NLRC5: variants seen among roughly 807,000 people sequenced by gnomAD.
NLRC5 encodes the protein NLR family CARD domain containing 5.
NLRC5 carries 114 observed loss-of-function variants against 206.9 expected under a neutral mutation model. The observed-to-expected ratio is 0.55, with a 90% confidence interval of 0.47 to 0.64. The LOEUF (loss-of-function observed/expected upper bound fraction) is 0.64. Among genes scored for constraint, NLRC5 ranks in the 30% least tolerant of loss-of-function variants. The pLI is 0.00. For synonymous variants in NLRC5, 952 were observed against 962.8 expected (o/e 0.99, Z 0.21); for missense variants, 2,008 against 2,305.5 (o/e 0.87, Z 2.64).
intron 1 of NLRC5, among the ~76,000 whole-genome samples, chr16:56,995,128 C>A (rs760290522): frequency 6.6e-6 from 1 of 152,124 alleles, no homozygotes; most frequent in Non-Finnish European, 1.5e-5. Context: ...GAGTTGAGAT[C>A]GTGCCATGCT....
chr16:57,039,970 G>A (rs1396807952), intron 16 of NLRC5, 121 bp downstream of exon 16: 9 of 889,976 alleles, frequency 1.0e-5, no homozygotes. Context: ...TCACGGAAGA[G>A]CGGGAAGTGA....
At chr16:57,046,774 G>T (rs2064033067) in intron 22 of NLRC5, 133 bp downstream of exon 22, 2 of 740,144 alleles carry the variant, frequency 2.7e-6, no homozygotes, top group Non-Finnish European at 4.3e-6. Context: ...AAAAGGAAAA[G>T]AAAGAGGCGT....
chr16:56,993,711 C>A (rs2057244455), intron 1 of NLRC5, among the ~76,000 whole-genome samples: 1 of 152,104 alleles, frequency 6.6e-6, no homozygotes, highest in African/African-American at 2.4e-5. Context: ...TCACCTGTAG[C>A]TCATTTTCCA....
At position 57,036,367 on chromosome 16, in the gene NLRC5, G is replaced by A. The variant is rs146793168; in HGVS notation, c.2711+184G>A. ...ACCTCCGGCATGAGCCACTGTCTTA[G>A]TCCAATCATCTAGCACCCTTACATG... On this transcript the variant is annotated intron_variant, in intron 14 of 48. Coordinates refer to ENST00000688547, the MANE Select transcript of NLRC5 (RefSeq NM_001384950.1). 2.6e-5 allele frequency among the ~76,000 whole-genome samples: 4 copies of A among 152,330 alleles called. No homozygotes were observed. The East Asian group carries it at 5.8e-4, about 22-fold the overall frequency.
At chr16:57,010,033 A>C (rs568836593) in intron 1 of NLRC5, among the ~76,000 whole-genome samples, 223 of 152,294 alleles carry the variant, frequency 1.5e-3, no homozygotes, top group African/African-American at 5.2e-3. Context: ...TCTGGAATGC[A>C]CTTGGAAAAT....
At position 57,013,694 on chromosome 16, in the gene NLRC5, G is replaced by T. The variant is rs889111413; in HGVS notation, c.-127-3380G>T. The T allele has an allele frequency of 3.0e-5, 24 of 801,770 alleles. No homozygotes were observed. The African/African-American group carries it at 3.7e-4, about 12-fold the overall frequency. 49.7% of individuals were successfully genotyped at this position (801,770 alleles called of 1,614,324 possible). On this transcript the variant is annotated intron_variant, in intron 1 of 48. Coordinates refer to ENST00000688547, the MANE Select transcript of NLRC5 (RefSeq NM_001384950.1). ...TGATGAACTCACTTGCTGGTAACCT[G>T]GAATATGCTCCTTTGGTGGTTGTGC...
At chr16:57,022,192 C>G in intron 3 of NLRC5, 64 bp from the exon 4 acceptor site, 1 of 1,458,292 alleles carries the variant, frequency 6.9e-7, no homozygotes, top group South Asian at 1.2e-5. Context: ...GGCGCCAGGC[C>G]AGAGCTGGTC....
At chr16:57,040,541 G>A (rs1357554754) in intron 16 of NLRC5, 109 bp from the exon 17 acceptor site, 12 of 1,052,848 alleles carry the variant, frequency 1.1e-5, no homozygotes, top group Admixed American at 5.5e-5. Flanking sequence ...AGGTCTGATT[G>A]ACTCTAGGTG....
At chr16:56,997,539 C>T (rs1267386746) in intron 1 of NLRC5, among the ~76,000 whole-genome samples, 4 of 152,136 alleles carry the variant, frequency 2.6e-5, no homozygotes, top group African/African-American at 9.7e-5. Context: ...AAACCCAGCC[C>T]TCCTGACCCC....
intron 6 of NLRC5, among the ~76,000 whole-genome samples, chr16:57,027,708 T>C (rs2061396701): frequency 6.6e-6 from 1 of 152,224 alleles, no homozygotes; most frequent in Non-Finnish European, 1.5e-5. Flanking sequence ...GGTATATCTG[T>C]GCTCTGGCTT....
intron 30 of NLRC5, among the ~76,000 whole-genome samples, chr16:57,060,453 A>G (rs2066305538): frequency 6.6e-6 from 1 of 151,220 alleles, no homozygotes; most frequent in Non-Finnish European, 1.5e-5. Flanking sequence ...CACACAACAC[A>G]CGCACACCAC....
At chr16:57,080,792 AAAG>A (rs1718210373) in intron 46 of NLRC5, 1 of 301,022 alleles carries the variant, frequency 3.3e-6, no homozygotes, top group Non-Finnish European at 6.2e-6. Flanking sequence ...AAGTAAGAAA[AAAG>A]AGGGGGCCAA....
rs1332498436 is a variant in NLRC5 at position 57,026,519 on chromosome 16, C to T, written c.1576C>T (p.Leu526=). The T allele has an allele frequency of 6.2e-7, 1 of 1,614,168 alleles. No individual in the cohort carries two copies. Among genetic ancestry groups the T allele is most frequent in the African/African-American group, 1.3e-5 (1 of 75,052 alleles). Residue 526 remains leucine, a synonymous_variant, in exon 6 of 49, where the codon CTG becomes TTG. Transcript: ENST00000688547. ...GCAGGAGTTTCTTGCTGCCCTGCAC[C>T]TGATGGCCAGCCCCAAGGTGAACAA... The part of the protein sequence containing the change: ...SLQEFLAALH[L]MASPKVNKDT...
At chr16:56,993,353 G>T (rs2057199088) in intron 1 of NLRC5, among the ~76,000 whole-genome samples, 1 of 151,688 alleles carries the variant, frequency 6.6e-6, no homozygotes, top group African/African-American at 2.4e-5. Flanking sequence ...CCGTATGACT[G>T]CTCTGTAATT....
rs557263259 is a variant in NLRC5, at chr16:57,061,443, C to T, written c.3987-5C>T. On this transcript the variant is annotated splice_polypyrimidine_tract_variant and splice_region_variant and intron_variant, in intron 30 of 48. Transcript: ENST00000688547. Reference sequence around the variant, plus strand: ...CCAGGCTCTGCCCTGGCTTTCTGCCCTCAGGCTAAGTGAGTGCAGCTTCCG... The same window carrying T: ...CCAGGCTCTGCCCTGGCTTTCTGCCTTCAGGCTAAGTGAGTGCAGCTTCCG... 6.2e-7 allele frequency: 1 copy of T among 1,610,668 alleles called. No individual in the cohort carries two copies. The highest frequency in any genetic ancestry group is 8.5e-7 in the Non-Finnish European group (1 of 1,179,780).
At chr16:57,003,761 A>G (rs1461849202) in intron 1 of NLRC5, 1 of 152,154 alleles carries the variant, frequency 6.6e-6, no homozygotes, top group Non-Finnish European at 1.5e-5. Flanking sequence ...CTGCTACCCT[A>G]TCTTTCTTCC....
intron 1 of NLRC5, among the ~76,000 whole-genome samples, chr16:57,011,547 A>G (rs1307261695): frequency 6.6e-6 from 1 of 152,130 alleles, no homozygotes; most frequent in African/African-American, 2.4e-5. Flanking sequence ...ACACAGGGAA[A>G]CTATGTCTCT....
intron 16 of NLRC5, 76 bp downstream of exon 16, chr16:57,039,925 C>T: frequency 1.6e-6 from 2 of 1,265,626 alleles, no homozygotes; most frequent in Non-Finnish European, 1.1e-6. Flanking sequence ...CTGGGCAGTG[C>T]CAGTCAGTCA....
rs539891659 is a variant in NLRC5 at position 57,025,539 on chromosome 16, T to C, written c.596T>C (p.Val199Ala). 8.1e-6 allele frequency: 13 copies of C among 1,613,574 alleles called. No individual in the cohort carries two copies. In the South Asian group the frequency reaches 1.4e-4, roughly 18 times the overall value. ...CCGGAGGGGGCCATTATGGGGGACG[T>C]CAAGGTGGAAGATGGTGCTGACGTG... ...DTPEGAIMGD[V>A]KVEDGADVSI... Residue 199 changes from valine (V) to alanine (A), a missense_variant, in exon 6 of 49, where the codon GTC (valine) becomes GCC (alanine). Physicochemically the swap from Val to Ala is moderately conservative, Grantham distance 64. Coordinates refer to ENST00000688547, the MANE Select transcript of NLRC5 (RefSeq NM_001384950.1).
Sources: allele counts gnomAD v4.1 joint callset (sites outside exome capture counted in the v4.1 genomes callset), GRCh38; gene constraint gnomAD v4.1.1; transcripts MANE v1.5; gene names NCBI Gene and HGNC (gene_info 2026-07-23, HGNC 2026-07-21).